MYBL2: variants seen among roughly 807,000 people sequenced by gnomAD.
MYBL2 encodes the protein myb-related protein B.
Under a neutral mutation model 79.9 loss-of-function variants are expected in MYBL2, and 28 were observed. The observed-to-expected ratio is 0.35, with a 90% CI of 0.26 to 0.48. MYBL2 has a LOEUF of 0.48. Ranked by LOEUF, MYBL2 falls within the 20% of genes least tolerant of loss-of-function variation. The pLI is 0.99. For missense variants in MYBL2, 735 were observed against 893.9 expected, an observed-to-expected ratio of 0.82 and a Z score of 2.27; for synonymous variants, 378 against 361.2, an observed-to-expected ratio of 1.05 and a Z score of -0.53.
At chr20:43,677,252 C>T (rs750168274) in intron 2 of MYBL2, among the ~76,000 whole-genome samples, 12 of 152,234 alleles carry the variant, frequency 7.9e-5, no homozygotes, top group Middle Eastern at 3.4e-3. Context: ...GAGATAAGAC[C>T]GTGTGCAGGT....
At chr20:43,714,473 C>T (rs531016812) in intron 12 of MYBL2, among the ~76,000 whole-genome samples, 22 of 152,226 alleles carry the variant, frequency 1.4e-4, no homozygotes, top group Non-Finnish European at 2.1e-4. Context: ...GGGGGCTGCA[C>T]GGCACCCATC....
chr20:43,690,500 A>G (rs1987381251), intron 5 of MYBL2, among the ~76,000 whole-genome samples: 2 of 152,004 alleles, frequency 1.3e-5, no homozygotes, highest in South Asian at 4.1e-4. Context: ...CGTCGGCAGC[A>G]TGCCCGGCAG....
chr20:43,713,183 C>A, intron 12 of MYBL2, 77 bp downstream of exon 12: 5 of 1,008,182 alleles, frequency 5.0e-6, no homozygotes, highest in Non-Finnish European at 7.0e-6. Context: ...GACTCTCCAA[C>A]TGGGCTTCTG....
At chr20:43,668,510 C>G (rs959996961) in intron 1 of MYBL2, among the ~76,000 whole-genome samples, 1 of 151,748 alleles carries the variant, frequency 6.6e-6, no homozygotes, top group African/African-American at 2.4e-5. Flanking sequence ...AAACTTCGGT[C>G]CCTCTTTAGA....
Position 43,692,222 on chromosome 20 carries a change from T to A in MYBL2, c.566T>A (p.Phe189Tyr). 1 of 1,614,152 alleles carries A rather than the reference T, an allele frequency of 6.2e-7. No individual in the cohort carries two copies. Among genetic ancestry groups the A allele is most frequent in the Non-Finnish European group, 8.5e-7 (1 of 1,180,034 alleles). The change falls in exon 6 of 14, where the codon TTC becomes TAC. Residue 189 changes from phenylalanine to tyrosine, a missense_variant. Physicochemically the swap from Phe to Tyr is conservative, Grantham distance 22. Coordinates refer to ENST00000217026, the MANE Select transcript of MYBL2 (RefSeq NM_002466.4). ...AAAAGGAAGGTGGACACAGGAGGCTTCTTGAGCGAGTCCAAAGACTGCAAG... is the reference window on the plus strand; with the variant it reads ...AAAAGGAAGGTGGACACAGGAGGCTACTTGAGCGAGTCCAAAGACTGCAAG... ...TIKRKVDTGG[F>Y]LSESKDCKPP...
intron 9 of MYBL2, among the ~76,000 whole-genome samples, chr20:43,706,750 T>G (rs1987795001): frequency 9.5e-6 from 1 of 105,478 alleles, no homozygotes; most frequent in Non-Finnish European, 1.9e-5. Flanking sequence ...GAGTCTTGCT[T>G]TATCACCCAG....
chr20:43,701,106 G>A (rs1228819621), intron 7 of MYBL2, among the ~76,000 whole-genome samples: 3 of 152,170 alleles, frequency 2.0e-5, no homozygotes, highest in Non-Finnish European at 4.4e-5. Flanking sequence ...AGGAGACTTG[G>A]CCAGGTTCAC....
intron 9 of MYBL2, among the ~76,000 whole-genome samples, 199 bp from the exon 10 acceptor site, chr20:43,709,764 T>A (rs941599204): frequency 6.6e-6 from 1 of 152,190 alleles, no homozygotes; most frequent in South Asian, 2.1e-4. Context: ...TGTCTGGGGC[T>A]CCTGGCCCCT....
intron 9 of MYBL2, among the ~76,000 whole-genome samples, chr20:43,706,438 C>T (rs975144980): frequency 1.3e-5 from 2 of 152,126 alleles, no homozygotes; most frequent in Non-Finnish European, 2.9e-5. Flanking sequence ...GAGAGAGTTG[C>T]TTAACTATTC....
intron 2 of MYBL2, among the ~76,000 whole-genome samples, chr20:43,677,337 G>A (rs558952776): frequency 6.6e-6 from 1 of 152,194 alleles, no homozygotes; most frequent in African/African-American, 2.4e-5. Flanking sequence ...GTAGCTCTGG[G>A]CACCTGCTAA....
At chr20:43,690,829 C>T (rs1004903882) in intron 5 of MYBL2, among the ~76,000 whole-genome samples, 7 of 152,156 alleles carry the variant, frequency 4.6e-5, no homozygotes, top group African/African-American at 1.7e-4. Context: ...GGTGATCCAC[C>T]TGCCTCAGCC....
intron 7 of MYBL2, 76 bp from the exon 8 acceptor site, chr20:43,702,414 A>C (rs1444897943): frequency 2.7e-6 from 4 of 1,459,426 alleles, no homozygotes; most frequent in Admixed American, 2.1e-5. Context: ...TGACACTTAA[A>C]TATTTCCCGT....
chr20:43,707,181 G>GTT (rs3091888), intron 9 of MYBL2, among the ~76,000 whole-genome samples: 4 of 140,730 alleles, frequency 2.8e-5, no homozygotes, highest in African/African-American at 7.8e-5. Flanking sequence ...TCTCTTTCTA[G>GTT]TTTTTTTTTT....
Position 43,704,730 on chromosome 20 carries a change from G to A in MYBL2, c.1366-489G>A, listed in dbSNP as rs995846281. ...TTTTCTTATCTGTAAAAGGGGGATAGTAATAGTGCCTATGTCTCAGGATTT... is the reference window on the plus strand; with the variant it reads ...TTTTCTTATCTGTAAAAGGGGGATAATAATAGTGCCTATGTCTCAGGATTT... On this transcript the variant is annotated intron_variant, in intron 8 of 13. Coordinates refer to ENST00000217026, the MANE Select transcript of MYBL2 (RefSeq NM_002466.4). 5.3e-5 allele frequency among the ~76,000 whole-genome samples: 8 copies of A among 152,222 alleles called. No individual in the cohort carries two copies. The South Asian group carries it at 1.7e-3, about 32-fold the overall frequency.
At chr20:43,691,571 AC>A (rs1987409747) in intron 5 of MYBL2, among the ~76,000 whole-genome samples, 1 of 137,090 alleles carries the variant, frequency 7.3e-6, no homozygotes, top group Admixed American at 7.4e-5. Flanking sequence ...GTGGAATTTT[AC>A]TTTTGTTCCC....
chr20:43,680,414 G>C (rs985778901), intron 2 of MYBL2, among the ~76,000 whole-genome samples: 2 of 152,238 alleles, frequency 1.3e-5, no homozygotes, highest in African/African-American at 4.8e-5. Flanking sequence ...AGTGTCCTCA[G>C]CTTTCATCCA....
chr20:43,699,939 C>T lies in MYBL2; in HGVS notation c.846C>T (p.Ser282=), dbSNP rs768962749. The T allele has an allele frequency of 6.2e-7, 1 of 1,614,126 alleles. No homozygotes were observed. The change falls in exon 7 of 14, where the codon TCC becomes TCT. Residue 282 remains serine (S), a synonymous_variant. Transcript: ENST00000217026. ...EFPKREDQEG[S]PPETSLPYKW... ...CGAAGCGTGAGGACCAGGAAGGCTCCCCACCAGAAACGAGCCTGCCTTACA... is the reference window on the plus strand; with the variant it reads ...CGAAGCGTGAGGACCAGGAAGGCTCTCCACCAGAAACGAGCCTGCCTTACA...
intron 5 of MYBL2, among the ~76,000 whole-genome samples, chr20:43,687,990 C>A (rs1300385676): frequency 7.2e-6 from 1 of 138,820 alleles, no homozygotes; most frequent in African/African-American, 2.7e-5. Context: ...CCAGCCTGGG[C>A]GACAGAGCGA....
intron 2 of MYBL2, among the ~76,000 whole-genome samples, chr20:43,677,782 C>A (rs1269194118): frequency 6.6e-6 from 1 of 152,184 alleles, no homozygotes; most frequent in African/African-American, 2.4e-5. Context: ...CTCTGCCCGG[C>A]CACCACCCCG....
Sources: allele counts gnomAD v4.1 joint callset (sites outside exome capture counted in the v4.1 genomes callset), GRCh38; gene constraint gnomAD v4.1.1; transcripts MANE v1.5; gene names NCBI Gene and HGNC (gene_info 2026-07-23, HGNC 2026-07-21).